EMCN: variants seen among roughly 807,000 people sequenced by gnomAD.
The protein encoded by EMCN is MUC-14.
Under a neutral mutation model 38.4 loss-of-function variants are expected in EMCN, and 37 were observed. That is an observed-to-expected ratio of 0.96 (90% CI 0.74 to 1.27). EMCN has a LOEUF of 1.27. EMCN is among the 50% of genes most tolerant of loss of function. The pLI, the probability that EMCN is intolerant of heterozygous loss-of-function variation, is 0.00. For synonymous variants in EMCN, 95 were observed against 100.8 expected, an observed-to-expected ratio of 0.94 and a Z score of 0.35; for missense variants, 318 against 302.8, an observed-to-expected ratio of 1.05 and a Z score of -0.37.
chr4:100,510,183 G>A (rs1165896054), intron 1 of EMCN, among the ~76,000 whole-genome samples: 1 of 152,142 alleles, frequency 6.6e-6, no homozygotes, highest in Non-Finnish European at 1.5e-5. Flanking sequence ...AACAATATTT[G>A]AGGATGTTGA....
chr4:100,406,182 G>T (rs972277938), intron 11 of EMCN, among the ~76,000 whole-genome samples: 19 of 151,744 alleles, frequency 1.3e-4, no homozygotes, highest in African/African-American at 4.6e-4. Context: ...CTTCCAAAAG[G>T]CAAACTTTTG....
intron 5 of EMCN, among the ~76,000 whole-genome samples, chr4:100,427,001 T>A (rs2110223334): frequency 6.6e-6 from 1 of 152,244 alleles, no homozygotes; most frequent in East Asian, 1.9e-4. Context: ...CTCCCCAATT[T>A]TTTTTTTAGT....
In EMCN at chr4:100,421,354, C is replaced by T; in HGVS notation, c.592G>A (p.Ala198Thr). The T allele has an allele frequency of 6.2e-7, 1 of 1,612,514 alleles. No individual in the cohort carries two copies. Among genetic ancestry groups the T allele is most frequent in the Non-Finnish European group, 8.5e-7 (1 of 1,178,944 alleles). ...ACTGAAAGTGTTATTACAATCAAAG[C>T]AATAACCACCGGCAAAATAATACCT... ...YSSIILPVVIALIVITLSVFV... is the reference protein window; with the variant it reads ...YSSIILPVVITLIVITLSVFV... The change falls in exon 8 of 12, where the codon GCT (alanine) becomes ACT (threonine). Residue 198 changes from alanine to threonine, a missense_variant. Ala to Thr is a moderately conservative substitution (Grantham distance 58). Coordinates refer to ENST00000296420, the MANE Select transcript of EMCN (RefSeq NM_016242.4).
At chr4:100,409,618 C>G (rs1726493891) in intron 11 of EMCN, among the ~76,000 whole-genome samples, 1 of 152,162 alleles carries the variant, frequency 6.6e-6, no homozygotes, top group African/African-American at 2.4e-5. Flanking sequence ...GGTTACACAG[C>G]AAGACTATGT....
chr4:100,463,703 C>G (rs1031921162), intron 4 of EMCN, among the ~76,000 whole-genome samples: 2 of 152,088 alleles, frequency 1.3e-5, no homozygotes, highest in African/African-American at 4.8e-5. Flanking sequence ...CTTTCTGTCC[C>G]TATAAACTGT....
chr4:100,492,369 A>G (rs940061170), intron 1 of EMCN, among the ~76,000 whole-genome samples: 1 of 152,158 alleles, frequency 6.6e-6, no homozygotes, highest in South Asian at 2.1e-4. Flanking sequence ...AGCAAAAAGA[A>G]AAAAGAATGA....
At chr4:100,497,383 GT>G (rs577195322) in intron 1 of EMCN, among the ~76,000 whole-genome samples, 23 of 145,946 alleles carry the variant, frequency 1.6e-4, no homozygotes, top group Non-Finnish European at 2.0e-4. Context: ...TTGTTTGTTT[GT>G]TTTTTTTTTT....
chr4:100,413,017 G>A (rs1051948509), intron 10 of EMCN, among the ~76,000 whole-genome samples: 1 of 152,108 alleles, frequency 6.6e-6, no homozygotes, highest in South Asian at 2.1e-4. Context: ...CCTAAAAGTG[G>A]GTGGCTGCAG....
At chr4:100,449,254 A>C (rs556230571) in intron 4 of EMCN, among the ~76,000 whole-genome samples, 1 of 152,300 alleles carries the variant, frequency 6.6e-6, no homozygotes, top group Non-Finnish European at 1.5e-5. Context: ...ATTTGTAAGC[A>C]ACTTTTATGA....
At chr4:100,498,728 C>T (rs1306320583) in intron 1 of EMCN, among the ~76,000 whole-genome samples, 4 of 152,186 alleles carry the variant, frequency 2.6e-5, no homozygotes, top group Admixed American at 2.6e-4. Context: ...AGGCGTGAGC[C>T]ACCGTGCCCG....
intron 1 of EMCN, among the ~76,000 whole-genome samples, chr4:100,488,042 A>G (rs751231745): frequency 1.3e-5 from 2 of 152,176 alleles, no homozygotes; most frequent in Non-Finnish European, 2.9e-5. Flanking sequence ...ATGAAATGGC[A>G]TGATGGAAGA....
At chr4:100,403,831 T>C (rs1448778635) in intron 11 of EMCN, among the ~76,000 whole-genome samples, 1 of 152,118 alleles carries the variant, frequency 6.6e-6, no homozygotes, top group Admixed American at 6.6e-5. Flanking sequence ...TTAGTGATAT[T>C]AGGCACTTTT....
At chr4:100,475,704 A>T (rs1361282450) in intron 2 of EMCN, among the ~76,000 whole-genome samples, 2 of 107,552 alleles carry the variant, frequency 1.9e-5, no homozygotes, top group Non-Finnish European at 3.4e-5. Flanking sequence ...TGGAGACAGA[A>T]TCTCGCTCTG....
chr4:100,411,333 CA>C (rs1257117030), intron 10 of EMCN, among the ~76,000 whole-genome samples: 19 of 152,260 alleles, frequency 1.2e-4, no homozygotes, highest in Admixed American at 1.2e-3. Flanking sequence ...GAAGACACAG[CA>C]CCTGCTTGGA....
chr4:100,417,692 C>A (rs1175824339), intron 8 of EMCN, among the ~76,000 whole-genome samples: 2 of 152,192 alleles, frequency 1.3e-5, no homozygotes, highest in African/African-American at 4.8e-5. Context: ...TGCAACTAAT[C>A]TTTTGTTCTC....
At chr4:100,487,472 T>C (rs1728970543) in intron 1 of EMCN, among the ~76,000 whole-genome samples, 1 of 152,204 alleles carries the variant, frequency 6.6e-6, no homozygotes, top group Non-Finnish European at 1.5e-5. Flanking sequence ...GAGGATGCAG[T>C]TCCTATTATC....
At position 100,465,445 on chromosome 4, in the gene EMCN, T is replaced by G; in HGVS notation, c.354A>C (p.Thr118=). 1 of 1,604,484 alleles carries G rather than the reference T, an allele frequency of 6.2e-7. No individual in the cohort carries two copies. ...TSVTLPNAVS[T]LQSSKPKTET... is the part of the protein sequence containing the mutation. ...TACTCTTGGGTTTGGAACTTTGTAA[T>G]GTTGAAACAGCATTTGGAAGTGTAA... The change falls in exon 4 of 12, where the codon ACA becomes ACC. Residue 118 remains threonine, a synonymous_variant. Coordinates refer to ENST00000296420, the MANE Select transcript of EMCN (RefSeq NM_016242.4).
At chr4:100,480,542 A>G (rs1282569908) in intron 1 of EMCN, among the ~76,000 whole-genome samples, 1 of 150,240 alleles carries the variant, frequency 6.7e-6, no homozygotes, top group East Asian at 2.1e-4. Context: ...AGACAAGAGT[A>G]TACATATATA....
chr4:100,406,843 A>T (rs1411497931), intron 11 of EMCN, among the ~76,000 whole-genome samples: 1 of 152,066 alleles, frequency 6.6e-6, no homozygotes, highest in Non-Finnish European at 1.5e-5. Context: ...GAAATCTACT[A>T]TTATTGTGTG....
Sources: allele counts gnomAD v4.1 joint callset (sites outside exome capture counted in the v4.1 genomes callset), GRCh38; gene constraint gnomAD v4.1.1; transcripts MANE v1.5; gene names NCBI Gene and HGNC (gene_info 2026-07-23, HGNC 2026-07-21).